The following WIZ variants were observed in gnomAD, a reference collection of about 807,000 sequenced individuals.
The protein encoded by WIZ is protein Wiz.
A neutral mutation model predicts 140.2 loss-of-function variants in WIZ; 25 were observed. The observed-to-expected ratio is 0.18, with a 90% CI of 0.13 to 0.25. WIZ has a LOEUF of 0.25. Among genes scored for constraint, WIZ ranks in the 10% least tolerant of loss-of-function variants. The probability of loss-of-function intolerance (pLI) is 1.00; values close to 1 mark genes in which losing one functional copy is unlikely to be tolerated. For missense variants in WIZ, 2,231 were observed against 2,632.6 expected, an observed-to-expected ratio of 0.85 and a Z score of 3.34; for synonymous variants, 1,125 against 1,154.3, an observed-to-expected ratio of 0.97 and a Z score of 0.51.
In WIZ at chr19:15,448,212, A is replaced by C. The variant is rs773152707; in HGVS notation, c.96T>G (p.Gly32=). Residue 32 remains glycine (G), a synonymous_variant, in exon 2 of 13, where the codon GGT becomes GGG. Transcript: ENST00000673675. ...PGPAPRENIE[G]GAEAAEGEGG... ...CTTCCCCCTCAGCAGCTTCGGCCCC[A>C]CCCTCGATGTTCTCCCTTGGCGCCG... 1.9e-6 allele frequency: 3 copies of C among 1,612,376 alleles called. No homozygotes were observed. The East Asian group carries it at 6.7e-5, about 36-fold the overall frequency.
intron 5 of WIZ, among the ~76,000 whole-genome samples, chr19:15,431,675 G>A (rs984829195): frequency 6.6e-6 from 1 of 152,214 alleles, no homozygotes; most frequent in Admixed American, 6.5e-5. Context: ...CAAGACAGCT[G>A]GGGCTGCAGA....
In WIZ at chr19:15,427,449, G is replaced by A. The variant is rs1224017757; in HGVS notation, c.3899C>T (p.Ala1300Val). 4.3e-6 allele frequency: 7 copies of A among 1,613,642 alleles called. No homozygotes were observed. Among genetic ancestry groups the A allele is most frequent in the African/African-American group, 1.3e-5 (1 of 75,048 alleles). ...GCCCATTTGCCGCAGATGGGAGCGC[G>A]CGTGGCTCGAGAGGCCCTTGCGGTT... ...FENRKGLSSH[A>V]RSHLRQMGVT... The change falls in exon 9 of 13, where the codon GCG (alanine) becomes GTG (valine). Residue 1300 changes from alanine to valine, a missense_variant. This residue lies in a region of WIZ where 10 missense variants were observed against 36.3 expected (regional missense o/e 0.28). Transcript: ENST00000673675. The surrounding 1 kb of genome is among the most constrained non-coding windows in gnomAD (Gnocchi z 6.4).
chr19:15,449,594 C>G (rs1376077209), intron 1 of WIZ: 4 of 151,802 alleles, frequency 2.6e-5, no homozygotes, highest in African/African-American at 9.7e-5. Context: ...CGGGACGCGC[C>G]GAGGTAGGGG....
chr19:15,445,668 T>TCTTCA (rs1385302702), intron 2 of WIZ, among the ~76,000 whole-genome samples: 1 of 152,134 alleles, frequency 6.6e-6, no homozygotes, highest in East Asian at 1.9e-4. Context: ...TGTACCAGAC[T>TCTTCA]CTTCATCGAT....
rs887034410 is a variant in WIZ at position 15,440,161 on chromosome 19, T to G, written c.833A>C (p.Gln278Pro). 3.3e-6 allele frequency: 5 copies of G among 1,532,218 alleles called. No individual in the cohort carries two copies. Among genetic ancestry groups the G allele is most frequent in the Non-Finnish European group, 4.4e-6 (5 of 1,145,172 alleles). The allele number at this position is 1,532,218 out of a possible 1,614,324, so 94.9% of individuals were successfully genotyped here. ...VNSEASVERL[Q>P]PLLPPIRTGP... The stretch of plus-strand genomic sequence containing the variant: ...GGTCCGGATCGGGGGCAGTAGCGGC[T>G]GCAGCCGCTCCACAGAAGCCTCCGA... The change falls in exon 4 of 13, where the codon CAG (glutamine) becomes CCG (proline). Residue 278 changes from glutamine to proline, a missense_variant. This residue lies in a region of WIZ where 307 missense variants were observed against 294.1 expected (regional missense o/e 1.04). Coordinates refer to ENST00000673675, the MANE Select transcript of WIZ (RefSeq NM_001371589.1). The surrounding 1 kb of genome is among the most constrained non-coding windows in gnomAD (Gnocchi z 6.2).
chr19:15,426,662 T>C (rs1250727821), intron 9 of WIZ, among the ~76,000 whole-genome samples: 1 of 152,216 alleles, frequency 6.6e-6, no homozygotes, highest in African/African-American at 2.4e-5. Flanking sequence ...GTAGCAGACA[T>C]CACTAATGGA....
chr19:15,447,002 C>T (rs2145413870), intron 2 of WIZ, among the ~76,000 whole-genome samples: 1 of 152,356 alleles, frequency 6.6e-6, no homozygotes, highest in South Asian at 2.1e-4. Flanking sequence ...TACTCCCTGG[C>T]TAGGTGACGT....
At chr19:15,443,391 C>T (rs552252290) in intron 2 of WIZ, among the ~76,000 whole-genome samples, 20 of 152,258 alleles carry the variant, frequency 1.3e-4, no homozygotes, top group African/African-American at 3.4e-4. Context: ...GACTCTTAGC[C>T]GCCACCTACA....
intron 2 of WIZ, among the ~76,000 whole-genome samples, chr19:15,445,117 C>T (rs947844240): frequency 3.9e-5 from 6 of 152,346 alleles, no homozygotes; most frequent in East Asian, 3.9e-4. Flanking sequence ...GGCGCTAGGT[C>T]GCAGCCCTTA....
intron 5 of WIZ, among the ~76,000 whole-genome samples, chr19:15,435,555 C>T (rs1352421113): frequency 1.3e-5 from 2 of 152,210 alleles, no homozygotes; most frequent in Non-Finnish European, 2.9e-5. Context: ...AGACTCTAGG[C>T]CGGGTGCAGT....
Position 15,429,696 on chromosome 19 carries a change from G to A in WIZ, c.3305C>T (p.Pro1102Leu). 6.9e-7 allele frequency: 1 copy of A among 1,442,668 alleles called. No individual in the cohort carries two copies. Among genetic ancestry groups the A allele is most frequent in the Non-Finnish European group, 9.1e-7 (1 of 1,101,438 alleles). 89.4% of individuals were successfully genotyped at this position (1,442,668 alleles called of 1,614,324 possible). A position where few individuals can be genotyped will look rare whatever the true frequency, so the allele number is the denominator to read the frequency against. The change falls in exon 7 of 13, where the codon CCT (proline) becomes CTT (leucine). Residue 1102 changes from proline to leucine, a missense_variant. Transcript: ENST00000673675. ...KKTPLALAGSPTPKNPEDKSP... is the reference protein window; with the variant it reads ...KKTPLALAGSLTPKNPEDKSP... ...CTTGTCCTCAGGATTCTTAGGGGTA[G>A]GGGAGCCCGCCAGGGCCAGTGGTGT...
rs2079551384 is a variant in WIZ at position 15,440,584 on chromosome 19, A to G, written c.410T>C (p.Ile137Thr). The G allele has an allele frequency of 6.5e-7, 1 of 1,535,968 alleles. No individual in the cohort carries two copies. The highest frequency in any genetic ancestry group is 1.2e-5 in the South Asian group (1 of 84,066). Residue 137 changes from isoleucine to threonine, a missense_variant, in exon 4 of 13, where the codon ATC (isoleucine) becomes ACC (threonine). Physicochemically the swap from Ile to Thr is moderately conservative, Grantham distance 89. Around this residue, in one of 15 missense-constraint regions of WIZ, gnomAD observed 307 missense variants for 294.1 expected, o/e 1.04. Coordinates refer to ENST00000673675, the MANE Select transcript of WIZ (RefSeq NM_001371589.1). The surrounding 1 kb of genome is among the most constrained non-coding windows in gnomAD (Gnocchi z 6.2). ...HPLVQEAGEGILSERRFEDSV... is the reference protein window; with the variant it reads ...HPLVQEAGEGTLSERRFEDSV... ...GTCCTCGAATCTCCGCTCAGATAGG[A>G]TGCCCTCCCCAGCCTCCTGGACAAG... is the stretch of plus-strand genomic sequence containing the variant.
chr19:15,430,136 G>A, intron 6 of WIZ, 47 bp from the exon 7 acceptor site: 2 of 1,458,214 alleles, frequency 1.4e-6, no homozygotes, highest in Non-Finnish European at 1.8e-6. Context: ...GAGGCCCACG[G>A]CCCAGCTCTC....
rs1209174806 is a variant in WIZ at position 15,431,033 on chromosome 19, G to C, written c.2890C>G (p.Gln964Glu). The change falls in exon 6 of 13, where the codon CAG becomes GAG. Residue 964 changes from glutamine (Q) to glutamate (E), a missense_variant. By Grantham distance (29) the Gln-to-Glu change is conservative (BLOSUM62 2). Coordinates refer to ENST00000673675, the MANE Select transcript of WIZ (RefSeq NM_001371589.1). ...TCACCCTTGAGGTCCTGCAGCTCCT[G>C]TTTGCTGCCATGAGGAACCTCTGCA... ...VAAEVPHGSK[Q>E]ELQDLKAQSL... 6.5e-7 allele frequency: 1 copy of C among 1,535,194 alleles called. No individual in the cohort carries two copies. Among genetic ancestry groups the C allele is most frequent in the Non-Finnish European group, 8.7e-7 (1 of 1,146,402 alleles).
At chr19:15,447,727 C>T (rs1423261978) in intron 2 of WIZ, among the ~76,000 whole-genome samples, 1 of 152,160 alleles carries the variant, frequency 6.6e-6, no homozygotes, top group African/African-American at 2.4e-5. Context: ...ACCCAGACAG[C>T]CAGAGGGAGC....
chr19:15,438,675 G>A lies in WIZ; in HGVS notation c.2319C>T (p.Asn773=). ...GCACATTGTAGCTGACGCCCACGCG[G>A]TTCAGGTGGCCCCGGACGTGGTTGG... The part of the protein sequence containing the change: ...GLANHVRGHL[N]RVGVSYNVRH... Residue 773 remains asparagine, a synonymous_variant, in exon 4 of 13, where the codon AAC becomes AAT. Transcript: ENST00000673675. 1 of 1,536,154 alleles carries A rather than the reference G, an allele frequency of 6.5e-7. No homozygotes were observed. The highest frequency in any genetic ancestry group is 8.7e-7 in the Non-Finnish European group (1 of 1,146,870).
Position 15,427,385 on chromosome 19 carries a change from C to T in WIZ, c.3963G>A (p.Thr1321=), listed in dbSNP as rs777915363. The change falls in exon 9 of 13, where the codon ACG becomes ACA. Residue 1321 remains threonine (T), a synonymous_variant. Transcript: ENST00000673675. This position sits in a 1 kb window ranked among gnomAD's most constrained non-coding sequence, Gnocchi z 6.4. ...TCCGTCTCTTCAGGATCTCCCGCAG[C>T]GTGTCGATGGGCGAGCCATTGACGT... is the stretch of plus-strand genomic sequence containing the variant. ...EWYVNGSPID[T]LREILKRRTQ... The T allele has an allele frequency of 7.4e-6, 12 of 1,613,360 alleles. No individual in the cohort carries two copies. Among genetic ancestry groups the T allele is most frequent in the South Asian group, 4.4e-5 (4 of 91,080 alleles).
chr19:15,440,855 G>T lies in WIZ; in HGVS notation c.279-140C>A. The T allele has an allele frequency of 2.5e-6, 2 of 788,708 alleles. No homozygotes were observed. Among genetic ancestry groups the T allele is most frequent in the Non-Finnish European group, 1.9e-6 (1 of 513,734 alleles). The allele number at this position is 788,708 out of a possible 1,614,324, so 48.9% of individuals were successfully genotyped here. Reference sequence around the variant, plus strand: ...GGGTGACAGGGGTGTGGGGGTGAGGGTGGGAGGTAGGGGGAGTCCACGTGG... The same window carrying T: ...GGGTGACAGGGGTGTGGGGGTGAGGTTGGGAGGTAGGGGGAGTCCACGTGG... On this transcript the variant is annotated intron_variant, in intron 3 of 12. Coordinates refer to ENST00000673675, the MANE Select transcript of WIZ (RefSeq NM_001371589.1). The surrounding 1 kb of genome is among the most constrained non-coding windows in gnomAD (Gnocchi z 6.2).
Position 15,440,659 on chromosome 19 carries a change from A to G in WIZ, c.335T>C (p.Leu112Pro), listed in dbSNP as rs1412691765. The G allele has an allele frequency of 6.5e-7, 1 of 1,526,834 alleles. No homozygotes were observed. The highest frequency in any genetic ancestry group is 8.8e-7 in the Non-Finnish European group (1 of 1,139,946). The allele number at this position is 1,526,834 out of a possible 1,614,324, so 94.6% of individuals were successfully genotyped here. A position where few individuals can be genotyped will look rare whatever the true frequency, so the allele number is the denominator to read the frequency against. The change falls in exon 4 of 13, where the codon CTG (leucine) becomes CCG (proline). Residue 112 changes from leucine to proline, a missense_variant. Leu to Pro is a moderately conservative substitution (Grantham distance 98, BLOSUM62 -3). Around this residue, in one of 15 missense-constraint regions of WIZ, gnomAD observed 307 missense variants for 294.1 expected, o/e 1.04. Transcript: ENST00000673675. The surrounding 1 kb of genome is among the most constrained non-coding windows in gnomAD (Gnocchi z 6.2). The part of the protein sequence containing the change: ...FRPGSPPPHL[L>P]GHFPGTPDGR... ...ATCAGGGGTACCTGGGAAATGGCCC[A>G]GGAGATGGGGTGGTGGGGAGCCCGG... is the stretch of plus-strand genomic sequence containing the variant.
Sources: allele counts gnomAD v4.1 joint callset (sites outside exome capture counted in the v4.1 genomes callset), GRCh38; gene constraint gnomAD v4.1.1; regional missense constraint gnomAD v4.1.1; non-coding constraint Gnocchi (gnomAD v3.1); transcripts MANE v1.5; gene names NCBI Gene and HGNC (gene_info 2026-07-23, HGNC 2026-07-21).